SLC39A14: variants seen among roughly 807,000 people sequenced by gnomAD.
SLC39A14 encodes solute carrier family 39 member 14, also known as metal cation symporter ZIP14.
A neutral mutation model predicts 45.5 loss-of-function variants in SLC39A14; 19 were observed. That is an observed-to-expected ratio of 0.42 (90% CI 0.29 to 0.61). SLC39A14 has a LOEUF of 0.61. SLC39A14 is among the 20% of genes least tolerant of loss of function. The pLI, the probability that SLC39A14 is intolerant of heterozygous loss-of-function variation, is 0.22. For synonymous variants in SLC39A14, 264 were observed against 251.3 expected (o/e 1.05, Z -0.48); for missense variants, 447 against 616.5 (o/e 0.73, Z 2.91).
chr8:22,420,291 G>A lies in SLC39A14; in HGVS notation c.*593G>A. The A allele has an allele frequency of 2.0e-6, 2 of 985,464 alleles. No individual in the cohort carries two copies. Among genetic ancestry groups the A allele is most frequent in the Non-Finnish European group, 2.4e-6 (2 of 829,988 alleles). 61.0% of individuals were successfully genotyped at this position (985,464 alleles called of 1,614,324 possible). A position where few individuals can be genotyped will look rare whatever the true frequency, so the allele number is the denominator to read the frequency against. On this transcript the variant is annotated 3_prime_UTR_variant, in exon 9 of 9. Coordinates refer to ENST00000381237, the MANE Select transcript of SLC39A14 (RefSeq NM_001128431.4). ...GGTGAGGCAAGGTTCATCCTGAATG[G>A]GAGAGGAAGTCGAACCACTGCTGTG...
intron 1 of SLC39A14, among the ~76,000 whole-genome samples, chr8:22,380,884 G>A (rs891649632): frequency 9.2e-5 from 14 of 151,750 alleles, no homozygotes; most frequent in African/African-American, 2.2e-4. Context: ...GCCATGTTGC[G>A]CACGCTAGTC....
At chr8:22,380,038 T>C (rs1833423581) in intron 1 of SLC39A14, among the ~76,000 whole-genome samples, 1 of 152,168 alleles carries the variant, frequency 6.6e-6, no homozygotes, top group South Asian at 2.1e-4. Context: ...ACCATTTACA[T>C]TGTATTCAAT....
At chr8:22,412,853 A>C (rs147987569) in intron 4 of SLC39A14, among the ~76,000 whole-genome samples, 1 of 152,240 alleles carries the variant, frequency 6.6e-6, no homozygotes, top group Non-Finnish European at 1.5e-5. Context: ...CACAAGAATC[A>C]CTTGAACCCA....
intron 1 of SLC39A14, among the ~76,000 whole-genome samples, chr8:22,379,263 G>A (rs531636765): frequency 6.6e-6 from 1 of 152,192 alleles, no homozygotes; most frequent in African/African-American, 2.4e-5. Flanking sequence ...GATTTTATCT[G>A]CAAAGTCTCT....
intron 1 of SLC39A14, among the ~76,000 whole-genome samples, chr8:22,374,457 G>C (rs1399466991): frequency 6.6e-6 from 1 of 152,118 alleles, no homozygotes; most frequent in African/African-American, 2.4e-5. Flanking sequence ...GACAGAGAAG[G>C]CTTCTTGGGG....
intron 1 of SLC39A14, among the ~76,000 whole-genome samples, chr8:22,396,315 C>T (rs186398018): frequency 3.0e-4 from 44 of 145,302 alleles, no homozygotes; most frequent in African/African-American, 5.1e-4. Context: ...TACGGTGAGC[C>T]GAGATCACGC....
chr8:22,404,522 T>A (rs1431312569), intron 1 of SLC39A14, 174 bp from the exon 2 acceptor site: 4 of 584,820 alleles, frequency 6.8e-6, no homozygotes, highest in Non-Finnish European at 1.2e-5. Flanking sequence ...TTTTTATTCG[T>A]TTTTATTCTG....
Position 22,405,127 on chromosome 8 carries a change from A to G in SLC39A14, c.270+147A>G, listed in dbSNP as rs566489470. On this transcript the variant is annotated intron_variant, in intron 2 of 8. Transcript: ENST00000381237. ...TCTCGATGATAGAGTGGACAGGCTG[A>G]TTCTTTCTCTCTCATTGTCTGAATC... 1.1e-4 allele frequency: 74 copies of G among 700,290 alleles called. No individual in the cohort carries two copies. In the African/African-American group the frequency reaches 1.2e-3, roughly 11 times the overall value. 43.4% of individuals were successfully genotyped at this position (700,290 alleles called of 1,614,324 possible).
At chr8:22,394,313 A>G (rs560091857) in intron 1 of SLC39A14, among the ~76,000 whole-genome samples, 1 of 144,292 alleles carries the variant, frequency 6.9e-6, no homozygotes, top group African/African-American at 2.6e-5. Flanking sequence ...CCCTGTAATG[A>G]TTTTTTATTA....
intron 3 of SLC39A14, 71 bp downstream of exon 3, chr8:22,408,567 G>A: frequency 7.2e-7 from 1 of 1,395,230 alleles, no homozygotes; most frequent in Non-Finnish European, 9.7e-7. Context: ...CCTGGGCTGA[G>A]CTGCTGCTGC....
At chr8:22,415,991 T>G in intron 6 of SLC39A14, 34 bp downstream of exon 6, 14 of 1,603,562 alleles carry the variant, frequency 8.7e-6, no homozygotes, top group Non-Finnish European at 1.1e-5. Context: ...GTGGAGCCTC[T>G]AAGAGGTTGA....
chr8:22,409,722 GTC>G (rs139719878), intron 3 of SLC39A14, among the ~76,000 whole-genome samples: 11,473 of 152,168 alleles, frequency 0.075, 624 homozygotes, highest in African/African-American at 0.16. Context: ...GTTTGCATCC[GTC>G]TCTCCATGGA....
chr8:22,374,966 G>A (rs1001369171), intron 1 of SLC39A14, among the ~76,000 whole-genome samples: 1 of 151,690 alleles, frequency 6.6e-6, no homozygotes, highest in Non-Finnish European at 1.5e-5. Context: ...GCCTGGTCTC[G>A]AACTCCTGAC....
At chr8:22,407,073 G>A (rs1315365270) in intron 2 of SLC39A14, among the ~76,000 whole-genome samples, 3 of 152,190 alleles carry the variant, frequency 2.0e-5, no homozygotes, top group East Asian at 3.9e-4. Context: ...TGTGTGTGGT[G>A]GCTGCTGGCC....
chr8:22,428,691 C>T lies in SLC39A14; in HGVS notation c.1333-5200C>T, dbSNP rs146841889. Among the ~76,000 whole-genome samples the T allele has an allele frequency of 3.6e-3, 549 of 151,916 alleles. 1 individual carries two copies. Among genetic ancestry groups the T allele is most frequent in the African/African-American group, 0.012 (510 of 41,488 alleles). ...CTCTTGACCTTGTGATCCGCCCAGC[C>T]TGGCCTCCCAAAGTGCTGGGATTAC... On this transcript the variant is annotated intron_variant, in intron 8 of 8. Transcript: ENST00000240095.
intron 1 of SLC39A14, among the ~76,000 whole-genome samples, chr8:22,390,973 A>G (rs4872481): frequency 0.055 from 8,345 of 152,174 alleles, 646 homozygotes; most frequent in African/African-American, 0.17. Flanking sequence ...CATGGCAAGG[A>G]CAGTGTGGTT....
At chr8:22,381,868 CA>C (rs1238038773) in intron 1 of SLC39A14, among the ~76,000 whole-genome samples, 2 of 152,162 alleles carry the variant, frequency 1.3e-5, no homozygotes, top group Non-Finnish European at 2.9e-5. Context: ...AGGCTGGGTG[CA>C]GTGGCTTATG....
Position 22,420,302 on chromosome 8 carries a change from C to G in SLC39A14, c.*604C>G, listed in dbSNP as rs111797091. The G allele has an allele frequency of 6.6e-5, 65 of 985,436 alleles. No individual in the cohort carries two copies. The South Asian group carries it at 2.5e-3, about 38-fold the overall frequency. The allele number at this position is 985,436 out of a possible 1,614,324, so 61.0% of individuals were successfully genotyped here. A position where few individuals can be genotyped will look rare whatever the true frequency, so the allele number is the denominator to read the frequency against. ...GTTCATCCTGAATGGGAGAGGAAGT[C>G]GAACCACTGCTGTGTGTCTTGTCAG... is the stretch of plus-strand genomic sequence containing the variant. On this transcript the variant is annotated 3_prime_UTR_variant, in exon 9 of 9. Coordinates refer to ENST00000381237, the MANE Select transcript of SLC39A14 (RefSeq NM_001128431.4).
At position 22,404,426 on chromosome 8, in the gene SLC39A14, CAA is replaced by C. The variant is rs1338825974; in HGVS notation, c.-15-256_-15-255del. 4.0e-3 allele frequency: 477 copies of C among 118,336 alleles called. 2 individuals carry two copies. The highest frequency in any genetic ancestry group is 6.2e-3 in the South Asian group (38 of 6,124). The allele number at this position is 118,336 out of a possible 1,614,324, so 7.3% of individuals were successfully genotyped here. ...TGGGCAACGAGTGAATCTCCCGTCTCAAAAAAAAAAAAAAATCATAACCGCAT... is the reference window on the plus strand; with the variant it reads ...TGGGCAACGAGTGAATCTCCCGTCTCAAAAAAAAAAAAATCATAACCGCAT... On this transcript the variant is annotated intron_variant, in intron 1 of 8. Transcript: ENST00000381237.
Sources: allele counts gnomAD v4.1 joint callset (sites outside exome capture counted in the v4.1 genomes callset), GRCh38; gene constraint gnomAD v4.1.1; transcripts MANE v1.5; gene names NCBI Gene and HGNC (gene_info 2026-07-23, HGNC 2026-07-21).